The following PRRC2B variants were observed in gnomAD, a reference collection of about 807,000 sequenced individuals.
The protein encoded by PRRC2B is protein PRRC2B.
A neutral mutation model predicts 242.3 loss-of-function variants in PRRC2B; 68 were observed. The ratio of observed to expected loss-of-function variants is 0.28; its 90% CI spans 0.23 to 0.34. The LOEUF (loss-of-function observed/expected upper bound fraction) is 0.34. PRRC2B is among the 10% of genes least tolerant of loss of function. The pLI is 1.00. For missense variants in PRRC2B, 2,835 were observed against 2,954.8 expected, an observed-to-expected ratio of 0.96 and a Z score of 0.94; for synonymous variants, 1,228 against 1,173.6, an observed-to-expected ratio of 1.05 and a Z score of -0.95.
intron 9 of PRRC2B, among the ~76,000 whole-genome samples, chr9:131,449,386 G>A (rs544272888): frequency 6.6e-6 from 1 of 152,128 alleles, no homozygotes; most frequent in South Asian, 2.1e-4. Context: ...AAGAGACAGG[G>A]TCTCACTTTG....
intron 1 of PRRC2B, among the ~76,000 whole-genome samples, chr9:131,424,977 TG>T (rs1028638459): frequency 6.6e-6 from 1 of 152,184 alleles, no homozygotes; most frequent in African/African-American, 2.4e-5. Context: ...CGAGGTTTTT[TG>T]TTTTTTGAGA....
chr9:131,478,644 A>AG, intron 18 of PRRC2B, 25 bp downstream of exon 18: 4 of 443,796 alleles, frequency 9.0e-6, no homozygotes, highest in South Asian at 1.8e-5. Context: ...GTGGGGGGGC[A>AG]TGGGGCTGGA....
intron 1 of PRRC2B, among the ~76,000 whole-genome samples, chr9:131,428,935 G>A (rs1838047603): frequency 6.6e-6 from 1 of 152,172 alleles, no homozygotes; most frequent in Non-Finnish European, 1.5e-5. Flanking sequence ...ACAGGCCCTT[G>A]GTCGGCACTT....
intron 12 of PRRC2B, among the ~76,000 whole-genome samples, chr9:131,466,696 T>C (rs1943404540): frequency 2.0e-5 from 3 of 152,174 alleles, no homozygotes; most frequent in Admixed American, 2.0e-4. Flanking sequence ...GTGATCTCAC[T>C]GCAACCTCTG....
chr9:131,471,799 A>G (rs1165404871), intron 14 of PRRC2B, among the ~76,000 whole-genome samples: 2 of 152,216 alleles, frequency 1.3e-5, no homozygotes, highest in Non-Finnish European at 1.5e-5. Flanking sequence ...CTTTTTTAAC[A>G]TTCTACATTT....
intron 1 of PRRC2B, among the ~76,000 whole-genome samples, chr9:131,406,270 A>G (rs1482531175): frequency 2.0e-5 from 3 of 152,178 alleles, no homozygotes; most frequent in African/African-American, 7.2e-5. Flanking sequence ...AGGGCCTCCC[A>G]TGGGCAGGTG....
chr9:131,478,238 AG>A (rs1188100785), intron 17 of PRRC2B, among the ~76,000 whole-genome samples: 4 of 143,174 alleles, frequency 2.8e-5, no homozygotes, highest in African/African-American at 1.0e-4. Context: ...GGTCACACAC[AG>A]CTGTAGGAGC....
At chr9:131,416,621 C>CT (rs11374835) in intron 1 of PRRC2B, among the ~76,000 whole-genome samples, 103,218 of 149,572 alleles carry the variant, frequency 0.69, 36,328 homozygotes, top group East Asian at 0.93. Context: ...TACCCAGTGT[C>CT]TTTTTTTTTT....
At chr9:131,390,345 C>T (rs1836883367), upstream of PRRC2B, among the ~76,000 whole-genome samples, 1 of 150,128 alleles carries the variant, frequency 6.7e-6, no homozygotes, top group Non-Finnish European at 1.5e-5. Flanking sequence ...CCAGGGCTCT[C>T]CTCTGGGCTA....
At chr9:131,415,339 T>A (rs1837619464) in intron 1 of PRRC2B, among the ~76,000 whole-genome samples, 1 of 152,190 alleles carries the variant, frequency 6.6e-6, no homozygotes, top group Non-Finnish European at 1.5e-5. Context: ...AGTCCAGAAG[T>A]AGACAGGTTT....
Position 131,464,772 on chromosome 9 carries a change from A to G in PRRC2B, c.1414A>G (p.Met472Val), listed in dbSNP as rs1943343874. Residue 472 changes from methionine to valine, a missense_variant, in exon 12 of 32, where the codon ATG becomes GTG. Physicochemically the swap from Met to Val is conservative, Grantham distance 21. This residue lies in a region of PRRC2B where 626 missense variants were observed against 685.5 expected (regional missense o/e 0.91). Transcript: ENST00000683519. Reference sequence around the variant, plus strand: ...GACATTCTCTTGGCAGAAGTCATCAATGGGCAGCATGTTCCGGCAACAGTC... The same window carrying G: ...GACATTCTCTTGGCAGAAGTCATCAGTGGGCAGCATGTTCCGGCAACAGTC... Reference protein sequence around the residue: ...APGPDYQKSSMGSMFRQQSIE... With the variant: ...APGPDYQKSSVGSMFRQQSIE... The G allele has an allele frequency of 1.3e-6, 2 of 1,592,052 alleles. No individual in the cohort carries two copies. The highest frequency in any genetic ancestry group is 2.7e-5 in the African/African-American group (2 of 74,534).
chr9:131,490,015 A>T (rs996434009), intron 28 of PRRC2B, among the ~76,000 whole-genome samples: 3 of 152,048 alleles, frequency 2.0e-5, no homozygotes, highest in African/African-American at 7.2e-5. Context: ...TTCAAGAGTC[A>T]TGGCTCTAAA....
intron 4 of PRRC2B, among the ~76,000 whole-genome samples, chr9:131,436,951 C>G (rs1838394649): frequency 6.6e-6 from 1 of 152,170 alleles, no homozygotes; most frequent in Non-Finnish European, 1.5e-5. Flanking sequence ...CAGATACAGA[C>G]TAGGATACAG....
At chr9:131,409,063 C>T (rs1837440203) in intron 1 of PRRC2B, among the ~76,000 whole-genome samples, 1 of 150,178 alleles carries the variant, frequency 6.7e-6, no homozygotes, top group Admixed American at 6.7e-5. Flanking sequence ...GCTCTTGTCG[C>T]CCAGGCTGGA....
intron 12 of PRRC2B, among the ~76,000 whole-genome samples, chr9:131,466,951 G>A (rs536249984): frequency 3.9e-5 from 6 of 152,168 alleles, no homozygotes; most frequent in African/African-American, 7.2e-5. Context: ...ACAGGTGCCC[G>A]CCACCACGCC....
At chr9:131,420,501 T>TTCTTTCTTTC (rs1588242598) in intron 1 of PRRC2B, among the ~76,000 whole-genome samples, 3 of 19,044 alleles carry the variant, frequency 1.6e-4, no homozygotes, top group Non-Finnish European at 2.5e-4. Context: ...TTCTTTTTTT[T>TTCTTTCTTTC]TTTTTTTTTG....
intron 19 of PRRC2B, 38 bp from the exon 20 acceptor site, chr9:131,481,686 TGC>T: frequency 6.8e-7 from 1 of 1,469,238 alleles, no homozygotes; most frequent in Non-Finnish European, 9.3e-7. Context: ...CTAGACGGGT[TGC>T]TCTTTGATGC....
At chr9:131,391,278 C>CT (rs1189846311), upstream of PRRC2B, among the ~76,000 whole-genome samples, 4 of 152,064 alleles carry the variant, frequency 2.6e-5, no homozygotes, top group South Asian at 4.2e-4. Context: ...ATTCCTTGTC[C>CT]TTTGTAGCTT....
intron 1 of PRRC2B, among the ~76,000 whole-genome samples, chr9:131,411,803 C>T (rs1837515484): frequency 6.6e-6 from 1 of 151,846 alleles, no homozygotes; most frequent in Admixed American, 6.6e-5. Flanking sequence ...TTTTACTTTA[C>T]AGAATTTGGG....
Sources: allele counts gnomAD v4.1 joint callset (sites outside exome capture counted in the v4.1 genomes callset), GRCh38; gene constraint gnomAD v4.1.1; regional missense constraint gnomAD v4.1.1; transcripts MANE v1.5; gene names NCBI Gene and HGNC (gene_info 2026-07-23, HGNC 2026-07-21).